The following ATL3 variants were observed in gnomAD, a reference collection of about 807,000 sequenced individuals.
The protein encoded by ATL3 is atlastin-3.
In ATL3, 49 loss-of-function variants were observed where a neutral mutation model predicts 69.5. The ratio of observed to expected loss-of-function variants is 0.71; its 90% CI spans 0.56 to 0.89. The LOEUF is 0.89. Among genes scored for constraint, ATL3 ranks in the 40% least tolerant of loss-of-function variants. The probability of loss-of-function intolerance (pLI) is 0.00; values close to 1 mark genes in which losing one functional copy is unlikely to be tolerated. For missense variants in ATL3, 606 were observed against 645.7 expected (o/e 0.94, Z 0.67); for synonymous variants, 214 against 224.1 (o/e 0.95, Z 0.40).
At chr11:63,656,378 A>T (rs1001256387) in intron 3 of ATL3, among the ~76,000 whole-genome samples, 1 of 152,170 alleles carries the variant, frequency 6.6e-6, no homozygotes, top group Non-Finnish European at 1.5e-5. Flanking sequence ...GCAACCAGAC[A>T]AAAAAGACAG....
upstream of ATL3, chr11:63,671,486 G>A (rs928431888): frequency 8.9e-6 from 13 of 1,463,330 alleles, no homozygotes; most frequent in African/African-American, 4.5e-5. Flanking sequence ...GAGCCGCGAC[G>A]GAGCGAGCGC....
chr11:63,632,164 A>C (rs1939342564), intron 11 of ATL3: 1 of 444,224 alleles, frequency 2.3e-6, no homozygotes, highest in African/African-American at 2.0e-5. Context: ...CTTCCCTAAA[A>C]ATTAAATGAA....
rs551811093 is a variant in ATL3 at position 63,645,710 on chromosome 11, C to T, written c.618+797G>A. ...GGCTTAAGTGATCCTCCTACCTCAA[C>T]CCCACCGAGTAGCTGGGACTACAGG... On this transcript the variant is annotated intron_variant, in intron 6 of 12. Coordinates refer to ENST00000398868, the MANE Select transcript of ATL3 (RefSeq NM_015459.5). Among the ~76,000 whole-genome samples the T allele has an allele frequency of 2.6e-5, 4 of 152,192 alleles. No individual in the cohort carries two copies. The East Asian group carries it at 7.7e-4, about 29-fold the overall frequency.
chr11:63,664,932 G>T (rs1283363652), intron 1 of ATL3, among the ~76,000 whole-genome samples: 4 of 152,160 alleles, frequency 2.6e-5, no homozygotes, highest in African/African-American at 9.7e-5. Flanking sequence ...ATGAATGAAT[G>T]ACATGTACCA....
At position 63,628,407 on chromosome 11, in the gene ATL3, A is replaced by G. The variant is rs1259764056; in HGVS notation, c.*912T>C. 6.6e-6 allele frequency: 1 copy of G among 152,132 alleles called. No homozygotes were observed. Among genetic ancestry groups the G allele is most frequent in the Non-Finnish European group, 1.5e-5 (1 of 68,028 alleles). 9.4% of individuals were successfully genotyped at this position (152,132 alleles called of 1,614,324 possible). A position where few individuals can be genotyped will look rare whatever the true frequency, so the allele number is the denominator to read the frequency against. ...ACATTTCAGAGTATGGTATATTTAA[A>G]TATGACATGATTTTTCCACACTATG... On this transcript the variant is annotated 3_prime_UTR_variant, in exon 13 of 13. Transcript: ENST00000398868.
intron 8 of ATL3, among the ~76,000 whole-genome samples, chr11:63,642,276 T>G (rs928452380): frequency 3.9e-5 from 6 of 152,174 alleles, no homozygotes; most frequent in Admixed American, 2.6e-4. Context: ...CACGTAAAAG[T>G]ATCAGAGAAG....
In ATL3 at chr11:63,635,587, ATG is replaced by A. The variant is rs757595908; in HGVS notation, c.980_981del (p.Ala327ValfsTer3). On this transcript the variant is annotated frameshift_variant and splice_region_variant, in exon 10 of 13. Coordinates refer to ENST00000398868, the MANE Select transcript of ATL3 (RefSeq NM_015459.5). LOFTEE classifies it high-confidence loss of function. The part of the protein sequence containing the change: ...TCRGLLEYFK[A>X]YIKIYQGEDL... ...TCTTCTCCTTGATAAATTTTAATAT[ATG>A]CCTTAAAATATAAACATAAAAACTG... The A allele has an allele frequency of 1.9e-6, 3 of 1,598,740 alleles. No homozygotes were observed. Among genetic ancestry groups the A allele is most frequent in the Non-Finnish European group, 2.6e-6 (3 of 1,166,614 alleles).
At chr11:63,656,720 A>G (rs1463833750) in intron 3 of ATL3, among the ~76,000 whole-genome samples, 1 of 149,294 alleles carries the variant, frequency 6.7e-6, no homozygotes, top group East Asian at 2.0e-4. Flanking sequence ...AGCAACAGAG[A>G]GACTCCCTCT....
chr11:63,658,945 A>T lies in ATL3; in HGVS notation c.262-41T>A, dbSNP rs146327254. ...ATTTCTATTAAATCTTAAATTAAAA[A>T]TTTTATGCATCAAGGATAATCTATG... On this transcript the variant is annotated intron_variant, in intron 2 of 12. Transcript: ENST00000398868. The T allele has an allele frequency of 9.7e-5, 153 of 1,580,960 alleles. 1 individual carries two copies. The African/African-American group carries it at 1.7e-3, about 18-fold the overall frequency.
At chr11:63,652,604 A>G (rs771200367) in intron 3 of ATL3, 29 bp from the exon 4 acceptor site, 3 of 1,509,920 alleles carry the variant, frequency 2.0e-6, no homozygotes, top group Non-Finnish European at 1.8e-6. Context: ...CAAACAAAAG[A>G]GATTAAACTA....
intron 10 of ATL3, among the ~76,000 whole-genome samples, chr11:63,634,671 A>T (rs1939457520): frequency 6.6e-6 from 1 of 152,222 alleles, no homozygotes; most frequent in African/African-American, 2.4e-5. Context: ...TCTAGTTGCA[A>T]ATTAAAAACC....
rs770127095 is a variant in ATL3, at chr11:63,628,504, G to A, written c.*815C>T. The A allele has an allele frequency of 4.6e-5, 7 of 151,886 alleles. No homozygotes were observed. Among genetic ancestry groups the A allele is most frequent in the Non-Finnish European group, 7.4e-5 (5 of 67,972 alleles). The allele number at this position is 151,886 out of a possible 1,614,324, so 9.4% of individuals were successfully genotyped here. A position where few individuals can be genotyped will look rare whatever the true frequency, so the allele number is the denominator to read the frequency against. On this transcript the variant is annotated 3_prime_UTR_variant, in exon 13 of 13. Coordinates refer to ENST00000398868, the MANE Select transcript of ATL3 (RefSeq NM_015459.5). ...TCATTTTCAGTTAGTCTTTAGTTCT[G>A]AAGTTTCTCCAAGTTCTGTAAACTT...
chr11:63,642,884 G>A (rs186530402), intron 8 of ATL3, among the ~76,000 whole-genome samples: 22 of 152,304 alleles, frequency 1.4e-4, no homozygotes, highest in Non-Finnish European at 2.1e-4. Context: ...AGATAATGGA[G>A]CCCAAGAGTC....
At position 63,644,262 on chromosome 11, in the gene ATL3, C is replaced by T; in HGVS notation, c.619-1G>A. 1 of 1,579,844 alleles carries T rather than the reference C, an allele frequency of 6.3e-7. No individual in the cohort carries two copies. The highest frequency in any genetic ancestry group is 8.7e-7 in the Non-Finnish European group (1 of 1,152,574). ...AATCTCTAACCAAAAACATCAGTGTCTATTTAAGAAAAGAGCGGAACATAT... is the reference window on the plus strand; with the variant it reads ...AATCTCTAACCAAAAACATCAGTGTTTATTTAAGAAAAGAGCGGAACATAT... On this transcript the variant is annotated splice_acceptor_variant, in intron 6 of 12. Coordinates refer to ENST00000398868, the MANE Select transcript of ATL3 (RefSeq NM_015459.5). LOFTEE classifies it high-confidence loss of function.
At chr11:63,651,405 T>C (rs1322183106) in intron 5 of ATL3, among the ~76,000 whole-genome samples, 2 of 137,058 alleles carry the variant, frequency 1.5e-5, no homozygotes. Flanking sequence ...GACTTCGTCT[T>C]AAAAAAAAAA....
At chr11:63,662,067 G>T (rs1208063615) in intron 1 of ATL3, among the ~76,000 whole-genome samples, 1 of 151,728 alleles carries the variant, frequency 6.6e-6, no homozygotes, top group Non-Finnish European at 1.5e-5. Flanking sequence ...ACAAAAATTA[G>T]CCGGGCGTGG....
At chr11:63,663,430 G>C (rs1940480436) in intron 1 of ATL3, among the ~76,000 whole-genome samples, 1 of 152,162 alleles carries the variant, frequency 6.6e-6, no homozygotes, top group Admixed American at 6.6e-5. Flanking sequence ...AGCCACTGTG[G>C]CTGGCTTCTT....
chr11:63,670,976 C>T (rs894497741), intron 1 of ATL3, among the ~76,000 whole-genome samples: 5 of 152,138 alleles, frequency 3.3e-5, no homozygotes, highest in African/African-American at 1.2e-4. Context: ...ACCACCGGCC[C>T]TTGGGCCGCC....
chr11:63,626,208 C>G lies in ATL3; in HGVS notation c.*3111G>C, dbSNP rs1295121366. 2.0e-5 allele frequency: 3 copies of G among 152,098 alleles called. No homozygotes were observed. The highest frequency in any genetic ancestry group is 3.9e-4 in the East Asian group (2 of 5,180). The allele number at this position is 152,098 out of a possible 1,614,324, so 9.4% of individuals were successfully genotyped here. A position where few individuals can be genotyped will look rare whatever the true frequency, so the allele number is the denominator to read the frequency against. On this transcript the variant is annotated 3_prime_UTR_variant, in exon 13 of 13. Coordinates refer to ENST00000398868, the MANE Select transcript of ATL3 (RefSeq NM_015459.5). Reference sequence around the variant, plus strand: ...CAGCCTGGCCAACATGGCAAAACCCCACCTCTAGTAAAAAAACAAAAATTA... The same window carrying G: ...CAGCCTGGCCAACATGGCAAAACCCGACCTCTAGTAAAAAAACAAAAATTA...
Sources: gnomAD v4.1 joint callset for allele counts (sites outside exome capture counted in the v4.1 genomes callset) on GRCh38, gnomAD v4.1.1 for gene constraint, MANE v1.5 for transcripts, NCBI Gene and HGNC (gene_info 2026-07-23, HGNC 2026-07-21) for gene names.